Variants in LINGO1 observed in about 807,000 individuals in gnomAD.
The protein encoded by LINGO1 is leucine-rich repeat and immunoglobulin-like domain-containing nogo receptor-interacting protein 1.
A neutral mutation model predicts 37.3 loss-of-function variants in LINGO1; 11 were observed. The ratio of observed to expected loss-of-function variants is 0.29; its 90% CI spans 0.19 to 0.49. LINGO1 has a LOEUF of 0.49. Ranked by LOEUF, LINGO1 falls within the 20% of genes least tolerant of loss-of-function variation. The pLI is 0.99. For synonymous variants in LINGO1, 387 were observed against 403.0 expected (o/e 0.96, Z 0.48); for missense variants, 585 against 878.2 (o/e 0.67, Z 4.22).
At chr15:77,712,862 C>T (rs983400890) in intron 2 of LINGO1, among the ~76,000 whole-genome samples, 11 of 152,148 alleles carry the variant, frequency 7.2e-5, no homozygotes, top group African/African-American at 2.7e-4. Flanking sequence ...GACTCTGAAC[C>T]CACCCCTCAT....
intron 1 of LINGO1, among the ~76,000 whole-genome samples, chr15:77,779,124 C>G (rs2076690165): frequency 6.6e-6 from 1 of 152,128 alleles, no homozygotes; most frequent in Non-Finnish European, 1.5e-5. Flanking sequence ...CCCCACTTTA[C>G]CTAAAAGTCT....
chr15:77,783,661 G>A (rs758445829), intron 1 of LINGO1, among the ~76,000 whole-genome samples: 5 of 152,212 alleles, frequency 3.3e-5, no homozygotes, highest in Non-Finnish European at 7.3e-5. Flanking sequence ...GTGGATAGAT[G>A]AGACTGTATC....
chr15:77,770,943 C>G (rs1016581184), intron 1 of LINGO1, among the ~76,000 whole-genome samples: 1 of 152,246 alleles, frequency 6.6e-6, no homozygotes, highest in African/African-American at 2.4e-5. Flanking sequence ...CTTCAGGACC[C>G]TGAGTAGTGA....
intron 1 of LINGO1, among the ~76,000 whole-genome samples, chr15:77,776,592 C>T (rs1299044740): frequency 7.0e-6 from 1 of 142,346 alleles, no homozygotes; most frequent in Admixed American, 7.2e-5. Flanking sequence ...ACTTTGGGGC[C>T]GCAATATAAC....
chr15:77,712,200 G>C (rs2075926344), intron 2 of LINGO1, among the ~76,000 whole-genome samples: 1 of 152,066 alleles, frequency 6.6e-6, no homozygotes, highest in Non-Finnish European at 1.5e-5. Flanking sequence ...ATTCCCTGCA[G>C]CCTCTATCCC....
intron 1 of LINGO1, among the ~76,000 whole-genome samples, chr15:77,808,909 T>C (rs921811127): frequency 6.6e-6 from 1 of 152,166 alleles, no homozygotes; most frequent in Non-Finnish European, 1.5e-5. Context: ...AGGCCTCGGA[T>C]GGCCCATATA....
intron 2 of LINGO1, among the ~76,000 whole-genome samples, chr15:77,713,901 T>G (rs1596145676): frequency 1.3e-5 from 2 of 152,118 alleles, no homozygotes; most frequent in African/African-American, 4.8e-5. Context: ...CCCTCAACTC[T>G]ACATGGTGGT....
chr15:77,721,642 T>A (rs2076051138), intron 2 of LINGO1, among the ~76,000 whole-genome samples: 1 of 152,222 alleles, frequency 6.6e-6, no homozygotes, highest in African/African-American at 2.4e-5. Context: ...ACCACAGTGC[T>A]TGGCTCCTGG....
At chr15:77,776,553 G>GGAGA (rs1555541408) in intron 1 of LINGO1, among the ~76,000 whole-genome samples, 1 of 150,168 alleles carries the variant, frequency 6.7e-6, no homozygotes, top group Non-Finnish European at 1.5e-5. Context: ...AGGGAGGGAG[G>GGAGA]GAGGGAGCTG....
intron 2 of LINGO1, among the ~76,000 whole-genome samples, chr15:77,731,503 A>T (rs1263662672): frequency 2.6e-5 from 4 of 152,180 alleles, no homozygotes; most frequent in Non-Finnish European, 5.9e-5. Context: ...GACTTGGGTC[A>T]ACTCAGCTTC....
chr15:77,651,821 C>T (rs1163770370), intron 3 of LINGO1: 1 of 152,148 alleles, frequency 6.6e-6, no homozygotes, highest in Non-Finnish European at 1.5e-5. Context: ...CTGCTTTGGC[C>T]CTTGTTTCAA....
intron 1 of LINGO1, among the ~76,000 whole-genome samples, chr15:77,813,987 GC>G (rs1196919486): frequency 6.7e-6 from 1 of 150,168 alleles, no homozygotes; most frequent in Non-Finnish European, 1.5e-5. Flanking sequence ...GGGCTCTCCT[GC>G]CCCCTAGGAA....
intron 1 of LINGO1, among the ~76,000 whole-genome samples, chr15:77,761,482 T>C (rs1367588635): frequency 2.0e-5 from 3 of 152,094 alleles, no homozygotes. Context: ...TAACAACCAG[T>C]TTAAAGGGCT....
intron 1 of LINGO1, among the ~76,000 whole-genome samples, chr15:77,760,280 C>T (rs2076462105): frequency 6.6e-6 from 1 of 152,156 alleles, no homozygotes; most frequent in Non-Finnish European, 1.5e-5. Flanking sequence ...GACCAGGGGG[C>T]CTCTGGAGTG....
chr15:77,806,428 G>A (rs974307448), intron 1 of LINGO1, among the ~76,000 whole-genome samples: 2 of 152,128 alleles, frequency 1.3e-5, no homozygotes, highest in African/African-American at 4.8e-5. Flanking sequence ...GGCAGAAGTG[G>A]AGCAGGCAGC....
chr15:77,674,895 T>C lies in LINGO1; in HGVS notation c.-13+2194A>G, dbSNP rs761241408. ...TATATTTCGTGAGTTTTGTTCACTG[T>C]TCGGTCCCTAACCAAAACAATGTCT... On this transcript the variant is annotated intron_variant, in intron 3 of 3. Coordinates refer to the LINGO1 transcript ENST00000559893. Among the ~76,000 whole-genome samples the C allele has an allele frequency of 2.4e-4, 37 of 152,052 alleles. 1 individual carries two copies. The highest frequency in any genetic ancestry group is 4.1e-4 in the Non-Finnish European group (28 of 68,018).
chr15:77,788,932 G>C (rs1321172854), upstream of LINGO1, among the ~76,000 whole-genome samples: 1 of 152,140 alleles, frequency 6.6e-6, no homozygotes, highest in Non-Finnish European at 1.5e-5. Context: ...CATGTTCCTG[G>C]GCCCCGATTA....
chr15:77,771,107 G>A (rs1206071341), intron 1 of LINGO1, among the ~76,000 whole-genome samples: 6 of 152,212 alleles, frequency 3.9e-5, no homozygotes, highest in Non-Finnish European at 7.3e-5. Flanking sequence ...CCTGGGGGAG[G>A]AGAAGTCCTT....
At chr15:77,712,073 T>C (rs2075925058) in intron 2 of LINGO1, among the ~76,000 whole-genome samples, 1 of 152,078 alleles carries the variant, frequency 6.6e-6, no homozygotes, top group African/African-American at 2.4e-5. Flanking sequence ...CCACTTCCCC[T>C]CACCCACAGA....
Sources: gnomAD v4.1 joint callset for allele counts (sites outside exome capture counted in the v4.1 genomes callset) on GRCh38, gnomAD v4.1.1 for gene constraint, MANE v1.5 for transcripts, NCBI Gene and HGNC (gene_info 2026-07-23, HGNC 2026-07-21) for gene names.